The following FBXL7 variants were observed in gnomAD, a reference collection of about 807,000 sequenced individuals.
FBXL7 encodes F-box/LRR-repeat protein 7.
In FBXL7, 12 loss-of-function variants were observed where a neutral mutation model predicts 38.3. The observed-to-expected ratio is 0.31, with a 90% confidence interval of 0.20 to 0.51. The LOEUF (loss-of-function observed/expected upper bound fraction) is 0.51, where lower values mean the gene tolerates loss of function less well. Ranked by LOEUF, FBXL7 falls within the 20% of genes least tolerant of loss-of-function variation. FBXL7 has a pLI of 0.98. For missense variants in FBXL7, 567 were observed against 676.4 expected (o/e 0.84, Z 1.79); for synonymous variants, 297 against 300.9 (o/e 0.99, Z 0.13).
intron 2 of FBXL7, among the ~76,000 whole-genome samples, chr5:15,868,607 A>T (rs560990436): frequency 9.0e-4 from 137 of 152,258 alleles, no homozygotes; most frequent in African/African-American, 3.2e-3. Context: ...TGTGGACAGC[A>T]TGTGAAGGTA....
At chr5:15,896,257 C>T (rs1276074103) in intron 2 of FBXL7, among the ~76,000 whole-genome samples, 1 of 152,150 alleles carries the variant, frequency 6.6e-6, no homozygotes, top group African/African-American at 2.4e-5. Context: ...AACTCCTGAC[C>T]TCAAGTGATC....
intron 2 of FBXL7, among the ~76,000 whole-genome samples, chr5:15,768,599 G>C (rs10520824): frequency 0.19 from 29,245 of 151,972 alleles, 2,813 homozygotes; most frequent in South Asian, 0.24. Flanking sequence ...TAGAAATTTA[G>C]TACAGAACCA....
Position 15,742,046 on chromosome 5 carries a change from C to T in FBXL7, c.127+125974C>T, listed in dbSNP as rs548429277. On this transcript the variant is annotated intron_variant, in intron 2 of 3. Transcript: ENST00000504595. The stretch of plus-strand genomic sequence containing the variant: ...AAGTAGACGAATAAATTATTAAATG[C>T]GCATATGTGTTACTGAGGTGTATTT... Among the ~76,000 whole-genome samples the T allele has an allele frequency of 1.8e-4, 28 of 152,180 alleles. No homozygotes were observed. In the East Asian group the frequency reaches 2.5e-3, roughly 14 times the overall value.
intron 1 of FBXL7, among the ~76,000 whole-genome samples, chr5:15,603,179 T>A (rs1484139706): frequency 1.3e-5 from 2 of 152,194 alleles, no homozygotes; most frequent in Non-Finnish European, 2.9e-5. Context: ...TTGTCTGTGC[T>A]TTATCTCCCT....
chr5:15,783,063 T>C lies in FBXL7; in HGVS notation c.128-144827T>C, dbSNP rs577693731. 2.1e-4 allele frequency among the ~76,000 whole-genome samples: 32 copies of C among 152,164 alleles called. No individual in the cohort carries two copies. In the South Asian group the frequency reaches 4.6e-3, roughly 22 times the overall value. Reference sequence around the variant, plus strand: ...GGGTAGGAAGTTGGAGCTATGAAATTTGGGGGTTTGACAGGTGAACCCACA... The same window carrying C: ...GGGTAGGAAGTTGGAGCTATGAAATCTGGGGGTTTGACAGGTGAACCCACA... On this transcript the variant is annotated intron_variant, in intron 2 of 3. Transcript: ENST00000504595.
intron 2 of FBXL7, 71 bp from the exon 3 acceptor site, chr5:15,927,819 G>T: frequency 2.1e-6 from 2 of 974,342 alleles, no homozygotes; most frequent in Non-Finnish European, 1.4e-6. Flanking sequence ...AAAGAAACCA[G>T]TGCTTTTGCT....
chr5:15,571,199 A>C (rs1738769499), intron 1 of FBXL7, among the ~76,000 whole-genome samples: 1 of 152,082 alleles, frequency 6.6e-6, no homozygotes, highest in African/African-American at 2.4e-5. Context: ...CCTAACCATG[A>C]GTTTGACTCT....
intron 1 of FBXL7, among the ~76,000 whole-genome samples, chr5:15,531,565 G>A (rs1299042027): frequency 6.6e-6 from 1 of 152,210 alleles, no homozygotes; most frequent in African/African-American, 2.4e-5. Flanking sequence ...TGGCATGGGA[G>A]CAGGCTGACT....
chr5:15,501,720 G>T, intron 1 of FBXL7: 1 of 985,504 alleles, frequency 1.0e-6, no homozygotes, highest in South Asian at 4.7e-5. Flanking sequence ...TGTGGCCACA[G>T]AATGTGGGTG....
At chr5:15,608,735 C>T (rs1740120068) in intron 1 of FBXL7, among the ~76,000 whole-genome samples, 1 of 152,190 alleles carries the variant, frequency 6.6e-6, no homozygotes, top group Non-Finnish European at 1.5e-5. Context: ...CCTGGGTTTC[C>T]AGCCTGCTAG....
intron 2 of FBXL7, among the ~76,000 whole-genome samples, chr5:15,782,285 CAT>C (rs1369195532): frequency 5.3e-5 from 8 of 152,128 alleles, no homozygotes; most frequent in African/African-American, 1.7e-4. Context: ...CTGCAATAAA[CAT>C]GTGTGTGCAT....
chr5:15,918,125 G>A (rs1214569846), intron 2 of FBXL7, among the ~76,000 whole-genome samples: 2 of 152,044 alleles, frequency 1.3e-5, no homozygotes, highest in Non-Finnish European at 2.9e-5. Flanking sequence ...TATAATCCCA[G>A]CTACTCAGGA....
In FBXL7 at chr5:15,903,093, G is replaced by A. The variant is rs142798209; in HGVS notation, c.128-24797G>A. 2.9e-3 allele frequency among the ~76,000 whole-genome samples: 444 copies of A among 152,332 alleles called. 2 individuals carry two copies. The highest frequency in any genetic ancestry group is 0.014 in the Middle Eastern group (4 of 294). On this transcript the variant is annotated intron_variant, in intron 2 of 3. Transcript: ENST00000504595. ...GGGTTGAAGGCCAAGCAAGCCAAAT[G>A]ACTACATTGAGGGGTAGAGGCCATT...
intron 2 of FBXL7, among the ~76,000 whole-genome samples, chr5:15,752,216 C>A (rs10037873): frequency 1.3e-5 from 2 of 152,184 alleles, no homozygotes; most frequent in East Asian, 3.9e-4. Context: ...GTGACATATA[C>A]CTACGTAACA....
chr5:15,598,414 T>G (rs1241996056), intron 1 of FBXL7, among the ~76,000 whole-genome samples: 4 of 152,148 alleles, frequency 2.6e-5, no homozygotes, highest in Admixed American at 2.6e-4. Context: ...GGATGAAGAT[T>G]TTTTTTCCCT....
chr5:15,819,814 G>A (rs901127631), intron 2 of FBXL7, among the ~76,000 whole-genome samples: 3 of 152,130 alleles, frequency 2.0e-5, no homozygotes, highest in Non-Finnish European at 4.4e-5. Context: ...TTCTAATGCC[G>A]GAAAGGAAAC....
intron 1 of FBXL7, among the ~76,000 whole-genome samples, chr5:15,505,606 A>C (rs1736621615): frequency 6.6e-6 from 1 of 152,194 alleles, no homozygotes; most frequent in Admixed American, 6.5e-5. Flanking sequence ...CATGTGGTAC[A>C]CTATAAGGGG....
intron 1 of FBXL7, among the ~76,000 whole-genome samples, chr5:15,505,845 G>T (rs147233704): frequency 6.6e-6 from 1 of 152,110 alleles, no homozygotes; most frequent in South Asian, 2.1e-4. Flanking sequence ...CCCCACATCC[G>T]CTGGGGATGA....
At chr5:15,862,575 G>A (rs1739523099) in intron 2 of FBXL7, among the ~76,000 whole-genome samples, 1 of 152,182 alleles carries the variant, frequency 6.6e-6, no homozygotes, top group African/African-American at 2.4e-5. Context: ...AAGATCTGTA[G>A]AGTACCTGAG....
Sources: gnomAD v4.1 joint callset for allele counts (sites outside exome capture counted in the v4.1 genomes callset) on GRCh38, gnomAD v4.1.1 for gene constraint, MANE v1.5 for transcripts, NCBI Gene and HGNC (gene_info 2026-07-23, HGNC 2026-07-21) for gene names.